The following JAKMIP1 variants were observed in gnomAD, a reference collection of about 807,000 sequenced individuals.
JAKMIP1 encodes the protein janus kinase and microtubule interacting protein 1.
JAKMIP1 carries 33 observed loss-of-function variants against 113.0 expected under a neutral mutation model. The observed-to-expected ratio is 0.29, with a 90% CI of 0.22 to 0.39. JAKMIP1 has a LOEUF of 0.39. JAKMIP1 is among the 10% of genes least tolerant of loss of function. The pLI is 1.00. For synonymous variants in JAKMIP1, 480 were observed against 459.9 expected (o/e 1.04, Z -0.56); for missense variants, 813 against 1,080.5 (o/e 0.75, Z 3.47).
chr4:6,170,009 C>CATT lies in JAKMIP1; in HGVS notation c.-148+30243_-148+30244insAAT, dbSNP rs1166764969. On this transcript the variant is annotated intron_variant, in intron 1 of 20. Coordinates refer to ENST00000409021, the MANE Select transcript of JAKMIP1 (RefSeq NM_001099433.2). Reference sequence around the variant, plus strand: ...ACCACCACCACCACCACCACCACCACCCTCACCACCACCACATTCCCATCA... The same window carrying CATT: ...ACCACCACCACCACCACCACCACCACATTCCTCACCACCACCACATTCCCATCA... Among the ~76,000 whole-genome samples the CATT allele has an allele frequency of 7.5e-3, 1,038 of 138,664 alleles. 23 individuals carry two copies. The highest frequency in any genetic ancestry group is 0.053 in the Admixed American group (740 of 13,872). The allele number at this position is 138,664 out of a possible 152,430, so 91.0% of individuals were successfully genotyped here.
chr4:6,157,779 C>A lies in JAKMIP1; in HGVS notation c.-148+42474G>T, dbSNP rs895301349. On this transcript the variant is annotated intron_variant, in intron 1 of 20. Transcript: ENST00000409021. The surrounding 1 kb of genome is among the most constrained non-coding windows in gnomAD (Gnocchi z 4.7). Reference sequence around the variant, plus strand: ...AACACCAGCCATGAAGCAGCACACCCAGTAGGGTGTGAGTGAGGGACCGTA... The same window carrying A: ...AACACCAGCCATGAAGCAGCACACCAAGTAGGGTGTGAGTGAGGGACCGTA... Among the ~76,000 whole-genome samples, 4 of 152,312 alleles carry A rather than the reference C, an allele frequency of 2.6e-5. No homozygotes were observed. The highest frequency in any genetic ancestry group is 6.5e-5 in the Admixed American group (1 of 15,304).
chr4:6,182,763 G>A (rs577296685), intron 1 of JAKMIP1, among the ~76,000 whole-genome samples: 3 of 152,256 alleles, frequency 2.0e-5, no homozygotes, highest in Non-Finnish European at 4.4e-5. Flanking sequence ...CTGGGCCAGC[G>A]GGGAGCCCCT....
intron 8 of JAKMIP1, among the ~76,000 whole-genome samples, chr4:6,073,204 A>T (rs1194502099): frequency 6.6e-6 from 1 of 151,808 alleles, no homozygotes; most frequent in Non-Finnish European, 1.5e-5. Flanking sequence ...CCTTCCCTCC[A>T]GCAGGCAGCA....
At chr4:6,095,138 A>C (rs1279611182) in intron 3 of JAKMIP1, among the ~76,000 whole-genome samples, 1 of 150,614 alleles carries the variant, frequency 6.6e-6, no homozygotes, top group Non-Finnish European at 1.5e-5. Context: ...GAGGGAAATG[A>C]AAGAAAAAGA....
Position 6,065,495 on chromosome 4 carries a change from G to A in JAKMIP1, c.1303-487C>T, listed in dbSNP as rs1226642514. Among the ~76,000 whole-genome samples the A allele has an allele frequency of 1.3e-5, 2 of 152,250 alleles. No individual in the cohort carries two copies. The highest frequency in any genetic ancestry group is 6.5e-5 in the Admixed American group (1 of 15,290). ...GAGAAGAACTGGATGAATAAGGACA[G>A]CAGAGGGGGCAACAGCTTGAAGGAG... On this transcript the variant is annotated intron_variant, in intron 8 of 20. Coordinates refer to ENST00000409021, the MANE Select transcript of JAKMIP1 (RefSeq NM_001099433.2). This position sits in a 1 kb window ranked among gnomAD's most constrained non-coding sequence, Gnocchi z 5.1.
chr4:6,047,512 C>T (rs901335619), intron 16 of JAKMIP1, among the ~76,000 whole-genome samples: 4 of 152,312 alleles, frequency 2.6e-5, no homozygotes, highest in Admixed American at 6.5e-5. Flanking sequence ...CCCCGTCCCG[C>T]GGTTCACCAG....
At chr4:6,028,824 G>C (rs2108740457) in intron 20 of JAKMIP1, among the ~76,000 whole-genome samples, 1 of 152,274 alleles carries the variant, frequency 6.6e-6, no homozygotes, top group East Asian at 1.9e-4. Context: ...TGCCACACTT[G>C]AACTTACCTC....
intron 18 of JAKMIP1, among the ~76,000 whole-genome samples, chr4:6,039,254 A>C (rs1353740072): frequency 3.9e-5 from 6 of 152,174 alleles, no homozygotes; most frequent in Admixed American, 1.3e-4. Flanking sequence ...GGTGTTCCGA[A>C]GTGTGTTTTG....
rs1251924151 is a variant in JAKMIP1 at position 6,155,253 on chromosome 4, C to T, written c.-147-42256G>A. On this transcript the variant is annotated intron_variant, in intron 1 of 20. Coordinates refer to ENST00000409021, the MANE Select transcript of JAKMIP1 (RefSeq NM_001099433.2). This position sits in a 1 kb window ranked among gnomAD's most constrained non-coding sequence, Gnocchi z 6.1. Reference sequence around the variant, plus strand: ...AATGCTCCTCCTAAGGAGGAAACAACATTCCCTCCTCTGCGCTCAACGCCT... The same window carrying T: ...AATGCTCCTCCTAAGGAGGAAACAATATTCCCTCCTCTGCGCTCAACGCCT... Among the ~76,000 whole-genome samples the T allele has an allele frequency of 6.6e-6, 1 of 152,138 alleles. No homozygotes were observed. Among genetic ancestry groups the T allele is most frequent in the Non-Finnish European group, 1.5e-5 (1 of 68,018 alleles).
At chr4:6,034,691 A>C (rs1713174662) in intron 19 of JAKMIP1, among the ~76,000 whole-genome samples, 1 of 152,142 alleles carries the variant, frequency 6.6e-6, no homozygotes, top group South Asian at 2.1e-4. Flanking sequence ...AATCTCAGCT[A>C]CTCAGGTGGC....
At chr4:6,196,670 T>C (rs1042848784) in intron 1 of JAKMIP1, among the ~76,000 whole-genome samples, 18 of 152,144 alleles carry the variant, frequency 1.2e-4, no homozygotes, top group East Asian at 7.8e-4. Context: ...ACCAGCCTGG[T>C]TAACATGGTG....
chr4:6,173,941 G>A (rs553002590), intron 1 of JAKMIP1, among the ~76,000 whole-genome samples: 6 of 152,192 alleles, frequency 3.9e-5, no homozygotes, highest in Non-Finnish European at 8.8e-5. Flanking sequence ...ATTTAGCCAG[G>A]AATTGTGATC....
At chr4:6,062,472 A>C (rs75884548) in intron 9 of JAKMIP1, 32 bp from the exon 10 acceptor site, 22,236 of 1,589,242 alleles carry the variant, frequency 0.014, 196 homozygotes, top group Non-Finnish European at 0.017. Flanking sequence ...ACAAATAATC[A>C]AGTGCAAAAT....
Position 6,142,845 on chromosome 4 carries a change from G to A in JAKMIP1, c.-147-29848C>T, listed in dbSNP as rs1238204511. Among the ~76,000 whole-genome samples, 2 of 152,226 alleles carry A rather than the reference G, an allele frequency of 1.3e-5. No homozygotes were observed. Among genetic ancestry groups the A allele is most frequent in the African/African-American group, 4.8e-5 (2 of 41,458 alleles). On this transcript the variant is annotated intron_variant, in intron 1 of 20. Transcript: ENST00000409021. The surrounding 1 kb of genome is among the most constrained non-coding windows in gnomAD (Gnocchi z 5.5). ...ATTTTCAACAACTTCATTGCTTACA[G>A]GTGAGGAAACGGAGGATGGAAAGGT...
At chr4:6,131,708 C>T (rs182622180) in intron 1 of JAKMIP1, among the ~76,000 whole-genome samples, 2 of 152,220 alleles carry the variant, frequency 1.3e-5, no homozygotes, top group Admixed American at 6.5e-5. Context: ...CCAGCCTGGG[C>T]GACAGAGTGA....
At chr4:6,190,348 T>C (rs1727116806) in intron 1 of JAKMIP1, among the ~76,000 whole-genome samples, 1 of 152,232 alleles carries the variant, frequency 6.6e-6, no homozygotes, top group South Asian at 2.1e-4. Context: ...AGCTAAAATC[T>C]ACTTATTCAA....
At chr4:6,128,256 G>C (rs1560237207) in intron 1 of JAKMIP1, among the ~76,000 whole-genome samples, 1 of 152,220 alleles carries the variant, frequency 6.6e-6, no homozygotes, top group East Asian at 1.9e-4. Flanking sequence ...TTCCCCATCT[G>C]TGAAAGGAGG....
At position 6,080,728 on chromosome 4, in the gene JAKMIP1, CT is replaced by C. The variant is rs1212740872; in HGVS notation, c.1102-417del. On this transcript the variant is annotated intron_variant, in intron 6 of 20. Coordinates refer to ENST00000409021, the MANE Select transcript of JAKMIP1 (RefSeq NM_001099433.2). This position sits in a 1 kb window ranked among gnomAD's most constrained non-coding sequence, Gnocchi z 6.0. ...GTGAAACTGTGAGTCCATTAAACCT[CT>C]TTTTCTTTACAAATTACCCAGTCTC... Among the ~76,000 whole-genome samples, 1 of 152,106 alleles carries C rather than the reference CT, an allele frequency of 6.6e-6. No homozygotes were observed. The highest frequency in any genetic ancestry group is 6.5e-5 in the Admixed American group (1 of 15,282).
In JAKMIP1 at chr4:6,116,949, C is replaced by T. The variant is rs1193815371; in HGVS notation, c.-147-3952G>A. On this transcript the variant is annotated intron_variant, in intron 1 of 20. Coordinates refer to ENST00000409021, the MANE Select transcript of JAKMIP1 (RefSeq NM_001099433.2). This position sits in a 1 kb window ranked among gnomAD's most constrained non-coding sequence, Gnocchi z 5.1. The stretch of plus-strand genomic sequence containing the variant: ...TTCTACACCAAGCACAGAGTCAAGA[C>T]CAGCTATGTATTTGCAGCCCAGTGC... 2.0e-5 allele frequency among the ~76,000 whole-genome samples: 3 copies of T among 152,208 alleles called. No individual in the cohort carries two copies. In the East Asian group the frequency reaches 5.8e-4, roughly 29 times the overall value.
Sources: gnomAD v4.1 joint callset for allele counts (sites outside exome capture counted in the v4.1 genomes callset) on GRCh38, gnomAD v4.1.1 for gene constraint, Gnocchi (gnomAD v3.1) non-coding constraint, MANE v1.5 for transcripts, NCBI Gene and HGNC (gene_info 2026-07-23, HGNC 2026-07-21) for gene names.